FRMD4A: variants seen among roughly 807,000 people sequenced by gnomAD.
FRMD4A encodes FERM domain containing 4A, also known as FERM domain-containing protein 4A.
A neutral mutation model predicts 129.1 loss-of-function variants in FRMD4A; 29 were observed. The ratio of observed to expected loss-of-function variants is 0.22; its 90% CI spans 0.17 to 0.31. FRMD4A has a LOEUF of 0.31. FRMD4A is among the 10% of genes least tolerant of loss of function. FRMD4A has a pLI of 1.00. For missense variants in FRMD4A, 1,272 were observed against 1,375.8 expected, an observed-to-expected ratio of 0.92 and a Z score of 1.19; for synonymous variants, 634 against 571.6, an observed-to-expected ratio of 1.11 and a Z score of -1.56.
At chr10:14,145,639 A>G (rs532584800) in intron 2 of FRMD4A, among the ~76,000 whole-genome samples, 1 of 152,338 alleles carries the variant, frequency 6.6e-6, no homozygotes, top group African/African-American at 2.4e-5. Flanking sequence ...CAAAAATTAT[A>G]TTGACTGTTA....
chr10:13,963,540 T>A (rs2095461482), intron 2 of FRMD4A, among the ~76,000 whole-genome samples: 1 of 152,176 alleles, frequency 6.6e-6, no homozygotes, highest in South Asian at 2.1e-4. Flanking sequence ...TAAAAACGAA[T>A]CATTGAAAAC....
rs566018338 is a variant in FRMD4A at position 13,832,900 on chromosome 10, A to G, written c.112-21992T>C. Among the ~76,000 whole-genome samples, 5 of 152,308 alleles carry G rather than the reference A, an allele frequency of 3.3e-5. No homozygotes were observed. The East Asian group carries it at 9.6e-4, about 29-fold the overall frequency. On this transcript the variant is annotated intron_variant, in intron 3 of 24. Transcript: ENST00000357447. ...AGCAATCCTCCCACCTCAGCCTCCT[A>G]AAGTGGGAATCGGTTGATTCTAATG...
intron 2 of FRMD4A, among the ~76,000 whole-genome samples, chr10:14,115,626 T>C (rs1838159355): frequency 6.6e-6 from 1 of 152,152 alleles, no homozygotes; most frequent in Non-Finnish European, 1.5e-5. Flanking sequence ...TTTGGTGCTG[T>C]CCTTGGGGTA....
chr10:14,011,619 T>C (rs1384259816), intron 2 of FRMD4A, among the ~76,000 whole-genome samples: 1 of 152,010 alleles, frequency 6.6e-6, no homozygotes, highest in East Asian at 1.9e-4. Flanking sequence ...GGGAGAGCCA[T>C]AGATCTGAGT....
intron 2 of FRMD4A, among the ~76,000 whole-genome samples, chr10:14,103,898 T>A (rs1029844102): frequency 2.0e-5 from 3 of 152,206 alleles, no homozygotes; most frequent in Non-Finnish European, 4.4e-5. Flanking sequence ...AATGATGAAT[T>A]TAAAATGGCT....
At chr10:13,951,929 T>TAATAATAATAATAAA (rs1554984653) in intron 2 of FRMD4A, among the ~76,000 whole-genome samples, 6,262 of 145,734 alleles carry the variant, frequency 0.043, 183 homozygotes, top group Non-Finnish European at 0.058. Flanking sequence ...ATAATAATAA[T>TAATAATAATAATAAA]AAACAATCTA....
intron 2 of FRMD4A, among the ~76,000 whole-genome samples, chr10:14,197,364 G>A (rs950318465): frequency 4.6e-5 from 7 of 152,062 alleles, no homozygotes; most frequent in Non-Finnish European, 1.0e-4. Context: ...CAGGATATAC[G>A]ATCACTCTAG....
intron 2 of FRMD4A, among the ~76,000 whole-genome samples, chr10:13,869,663 G>A (rs1343663497): frequency 6.6e-6 from 1 of 152,192 alleles, no homozygotes; most frequent in African/African-American, 2.4e-5. Flanking sequence ...CCAGGCTCCT[G>A]GGGGGCAGCA....
At chr10:13,790,794 C>T (rs925736243) in intron 5 of FRMD4A, among the ~76,000 whole-genome samples, 22 of 151,794 alleles carry the variant, frequency 1.4e-4, no homozygotes, top group African/African-American at 4.4e-4. Flanking sequence ...CATCTCTCGG[C>T]GGTTGCTGTG....
chr10:13,796,736 T>A (rs2093127581), intron 4 of FRMD4A, 148 bp from the exon 5 acceptor site: 2 of 536,140 alleles, frequency 3.7e-6, no homozygotes, highest in Non-Finnish European at 6.7e-6. Context: ...TTTTTATTTT[T>A]TTGAGACTAA....
rs117165260 is a variant in FRMD4A, at chr10:14,246,954, C to T, written c.45+83104G>A. Among the ~76,000 whole-genome samples, 416 of 152,138 alleles carry T rather than the reference C, an allele frequency of 2.7e-3. 15 individuals carry two copies. In the East Asian group the frequency reaches 0.066, roughly 24 times the overall value. On this transcript the variant is annotated intron_variant, in intron 2 of 24. Transcript: ENST00000357447. ...TGTAGCTGCGTTGTGTGAACATGGG[C>T]ACGGTTAGAGGGAGTGGGCTTCCCT...
intron 6 of FRMD4A, among the ~76,000 whole-genome samples, chr10:13,764,453 C>A (rs150601458): frequency 3.3e-5 from 5 of 152,146 alleles, no homozygotes; most frequent in Non-Finnish European, 7.4e-5. Flanking sequence ...CTACAGTGAG[C>A]TGTAATCATG....
chr10:13,796,524 C>T lies in FRMD4A; in HGVS notation c.271G>A (p.Gly91Arg). Reference protein sequence around the residue: ...VLEHDFPKKSGPVVLYFCVRF... With the variant: ...VLEHDFPKKSRPVVLYFCVRF... Reference sequence around the variant, plus strand: ...ACACAAAAGTATAAAACCACGGGTCCTGACTTTTTAGGGAAGTCATGTTCC... The same window carrying T: ...ACACAAAAGTATAAAACCACGGGTCTTGACTTTTTAGGGAAGTCATGTTCC... Residue 91 changes from glycine to arginine, a missense_variant, in exon 5 of 25, where the codon GGA (glycine) becomes AGA (arginine). Transcript: ENST00000357447. The T allele has an allele frequency of 1.3e-6, 2 of 1,592,836 alleles. No individual in the cohort carries two copies. The highest frequency in any genetic ancestry group is 1.7e-6 in the Non-Finnish European group (2 of 1,160,628).
rs1181604243 is a variant in FRMD4A at position 13,670,377 on chromosome 10, G to A, written c.1374+29C>T. 4 of 1,608,588 alleles carry A rather than the reference G, an allele frequency of 2.5e-6. No homozygotes were observed. The Admixed American group carries it at 5.0e-5, about 20-fold the overall frequency. On this transcript the variant is annotated intron_variant, in intron 17 of 24. Coordinates refer to ENST00000357447, the MANE Select transcript of FRMD4A (RefSeq NM_018027.5). Reference sequence around the variant, plus strand: ...TGGGAAAAACAAGGATAACATGAGAGAATCCAACAACAGAAAGGAAGGACG... The same window carrying A: ...TGGGAAAAACAAGGATAACATGAGAAAATCCAACAACAGAAAGGAAGGACG...
At chr10:14,264,641 TAC>T (rs1423515579) in intron 2 of FRMD4A, among the ~76,000 whole-genome samples, 1 of 152,234 alleles carries the variant, frequency 6.6e-6, no homozygotes, top group African/African-American at 2.4e-5. Flanking sequence ...AGGGAATTCC[TAC>T]AGACTATTTA....
intron 2 of FRMD4A, among the ~76,000 whole-genome samples, chr10:14,088,245 G>A (rs1175739751): frequency 1.3e-5 from 2 of 152,100 alleles, no homozygotes; most frequent in Admixed American, 1.3e-4. Context: ...CCAGGGATCT[G>A]AGACCAGCCT....
intron 2 of FRMD4A, among the ~76,000 whole-genome samples, chr10:14,240,016 A>G (rs1476460682): frequency 2.0e-5 from 3 of 152,204 alleles, no homozygotes; most frequent in Non-Finnish European, 4.4e-5. Flanking sequence ...TGTAAATCAA[A>G]TCATGTATTG....
At chr10:14,057,947 G>C (rs1164530602) in intron 2 of FRMD4A, among the ~76,000 whole-genome samples, 4 of 152,230 alleles carry the variant, frequency 2.6e-5, no homozygotes, top group African/African-American at 7.2e-5. Flanking sequence ...CAGTGGACAA[G>C]ATTTTGTTTG....
intron 2 of FRMD4A, among the ~76,000 whole-genome samples, chr10:14,069,863 C>A (rs1835234869): frequency 6.6e-6 from 1 of 152,142 alleles, no homozygotes; most frequent in Non-Finnish European, 1.5e-5. Context: ...ATAGAGAATT[C>A]TCCTGGCCCT....
Sources: gnomAD v4.1 joint callset for allele counts (sites outside exome capture counted in the v4.1 genomes callset) on GRCh38, gnomAD v4.1.1 for gene constraint, MANE v1.5 for transcripts, NCBI Gene and HGNC (gene_info 2026-07-23, HGNC 2026-07-21) for gene names.